Variants in KCNQ3 observed in about 807,000 individuals in gnomAD.
KCNQ3 encodes the protein potassium voltage-gated channel subfamily Q member 3.
A neutral mutation model predicts 92.5 loss-of-function variants in KCNQ3; 30 were observed. The ratio of observed to expected loss-of-function variants is 0.32; its 90% CI spans 0.24 to 0.44. The LOEUF (loss-of-function observed/expected upper bound fraction) is 0.44. KCNQ3 is among the 20% of genes least tolerant of loss of function. The probability of loss-of-function intolerance (pLI) is 1.00; values close to 1 mark genes in which losing one functional copy is unlikely to be tolerated. For synonymous variants in KCNQ3, 450 were observed against 468.8 expected, an observed-to-expected ratio of 0.96 and a Z score of 0.52; for missense variants, 913 against 1,140.3, an observed-to-expected ratio of 0.80 and a Z score of 2.87.
intron 1 of KCNQ3, among the ~76,000 whole-genome samples, chr8:132,378,670 A>T (rs1411112106): frequency 6.6e-6 from 1 of 152,192 alleles, no homozygotes; most frequent in Non-Finnish European, 1.5e-5. Context: ...GCTTTAAATG[A>T]GGTCCCTTCT....
At chr8:132,392,603 CTT>C (rs1820078244) in intron 1 of KCNQ3, among the ~76,000 whole-genome samples, 1 of 151,950 alleles carries the variant, frequency 6.6e-6, no homozygotes, top group Admixed American at 6.6e-5. Context: ...CTGCAACACT[CTT>C]AACCTGAGCA....
At chr8:132,373,030 C>T (rs575675627) in intron 1 of KCNQ3, among the ~76,000 whole-genome samples, 32 of 152,262 alleles carry the variant, frequency 2.1e-4, no homozygotes, top group Admixed American at 1.9e-3. Flanking sequence ...ATTGCCATGG[C>T]CTCAGTCCCT....
At chr8:132,206,525 T>G (rs545718680) in intron 1 of KCNQ3, among the ~76,000 whole-genome samples, 15 of 152,250 alleles carry the variant, frequency 9.9e-5, no homozygotes, top group Non-Finnish European at 2.2e-4. Context: ...CACAGTCATA[T>G]ACGAGGTTTA....
At chr8:132,227,068 T>G (rs1250992749) in intron 1 of KCNQ3, among the ~76,000 whole-genome samples, 4 of 150,908 alleles carry the variant, frequency 2.7e-5, no homozygotes, top group Admixed American at 6.6e-5. Context: ...CTCTTTTTTT[T>G]TTTTTTTTTT....
At chr8:132,134,066 A>G (rs931250433) in intron 13 of KCNQ3, among the ~76,000 whole-genome samples, 16 of 152,370 alleles carry the variant, frequency 1.1e-4, no homozygotes, top group South Asian at 8.3e-4. Context: ...CAAAAGTTAC[A>G]GGAAGAAATG....
At chr8:132,163,322 G>A in intron 9 of KCNQ3, 146 bp downstream of exon 9, 4 of 750,320 alleles carry the variant, frequency 5.3e-6, no homozygotes, top group East Asian at 2.5e-5. Flanking sequence ...ACCAGGCAGA[G>A]GACTATGGTG....
intron 1 of KCNQ3, among the ~76,000 whole-genome samples, chr8:132,220,012 A>G (rs1212388088): frequency 6.6e-6 from 1 of 152,100 alleles, no homozygotes; most frequent in Non-Finnish European, 1.5e-5. Flanking sequence ...TATTTTTTTA[A>G]TTCTGATTCT....
At chr8:132,474,794 T>G (rs1257512751) in intron 1 of KCNQ3, among the ~76,000 whole-genome samples, 1 of 151,982 alleles carries the variant, frequency 6.6e-6, no homozygotes, top group Non-Finnish European at 1.5e-5. Flanking sequence ...ATCAATCAAA[T>G]GCGAGGTACA....
intron 1 of KCNQ3, among the ~76,000 whole-genome samples, chr8:132,277,674 A>T (rs1045878476): frequency 4.6e-5 from 7 of 152,326 alleles, no homozygotes; most frequent in Non-Finnish European, 1.5e-5. Context: ...CCAAATGAGC[A>T]GATGGATGAG....
intron 1 of KCNQ3, among the ~76,000 whole-genome samples, chr8:132,225,573 G>A (rs904770310): frequency 1.2e-4 from 18 of 152,324 alleles, no homozygotes; most frequent in African/African-American, 4.1e-4. Context: ...GTGATGTGCT[G>A]CAGCCTGCTA....
At chr8:132,275,936 T>A (rs1345972715) in intron 1 of KCNQ3, among the ~76,000 whole-genome samples, 3 of 151,710 alleles carry the variant, frequency 2.0e-5, no homozygotes, top group Non-Finnish European at 4.4e-5. Flanking sequence ...TGGAATCACC[T>A]GCTGAACCCA....
intron 1 of KCNQ3, among the ~76,000 whole-genome samples, chr8:132,217,805 C>T (rs755857891): frequency 1.4e-4 from 21 of 151,562 alleles, no homozygotes; most frequent in Non-Finnish European, 2.4e-4. Flanking sequence ...TCATGTGCAG[C>T]AGCTCCAACT....
intron 1 of KCNQ3, among the ~76,000 whole-genome samples, chr8:132,395,187 C>T (rs1422145998): frequency 1.3e-5 from 2 of 152,098 alleles, no homozygotes; most frequent in African/African-American, 2.4e-5. Context: ...AGTGATGCTT[C>T]GATATGTATA....
At chr8:132,251,802 C>A (rs1159526055) in intron 1 of KCNQ3, among the ~76,000 whole-genome samples, 1 of 152,180 alleles carries the variant, frequency 6.6e-6, no homozygotes, top group African/African-American at 2.4e-5. Flanking sequence ...GACAGCTGGG[C>A]CCTGTGGGCT....
chr8:132,294,006 T>C (rs1379260893), intron 1 of KCNQ3, among the ~76,000 whole-genome samples: 2 of 146,570 alleles, frequency 1.4e-5, no homozygotes, highest in African/African-American at 5.0e-5. Flanking sequence ...TGTGGTTTTT[T>C]TTTTTTTTTT....
chr8:132,158,356 T>A (rs147757346), intron 9 of KCNQ3, among the ~76,000 whole-genome samples: 2 of 152,200 alleles, frequency 1.3e-5, no homozygotes, highest in African/African-American at 4.8e-5. Context: ...ATAAATTTCA[T>A]GTGGCTGATG....
chr8:132,431,125 C>A (rs932803075), intron 1 of KCNQ3, among the ~76,000 whole-genome samples: 5 of 152,122 alleles, frequency 3.3e-5, no homozygotes, highest in Non-Finnish European at 5.9e-5. Context: ...CCAGCTCATC[C>A]CAGCCTCCTG....
intron 1 of KCNQ3, among the ~76,000 whole-genome samples, chr8:132,266,634 T>C (rs1815990751): frequency 6.6e-6 from 1 of 152,084 alleles, no homozygotes; most frequent in Non-Finnish European, 1.5e-5. Context: ...CAGACAGAAA[T>C]CAGAGGGTCC....
intron 1 of KCNQ3, among the ~76,000 whole-genome samples, chr8:132,296,306 C>A (rs931401879): frequency 6.6e-6 from 1 of 152,170 alleles, no homozygotes; most frequent in Non-Finnish European, 1.5e-5. Context: ...GATGTCAAAT[C>A]ATTTGCCCAG....
Sources: allele counts gnomAD v4.1 joint callset (sites outside exome capture counted in the v4.1 genomes callset), GRCh38; gene constraint gnomAD v4.1.1; transcripts MANE v1.5; gene names NCBI Gene and HGNC (gene_info 2026-07-23, HGNC 2026-07-21).